PRUNE2: variants seen among roughly 807,000 people sequenced by gnomAD.
The protein encoded by PRUNE2 is prune homolog 2 with BCH domain.
In PRUNE2, 164 loss-of-function variants were observed where a neutral mutation model predicts 252.0. That is an observed-to-expected ratio of 0.65 (90% CI 0.57 to 0.74). The LOEUF (loss-of-function observed/expected upper bound fraction) is 0.74, where lower values mean the gene tolerates loss of function less well. Among genes scored for constraint, PRUNE2 ranks in the 30% least tolerant of loss-of-function variants. The probability of loss-of-function intolerance (pLI) is 0.00; values close to 1 mark genes in which losing one functional copy is unlikely to be tolerated. For synonymous variants in PRUNE2, 1,292 were observed against 1,350.2 expected (o/e 0.96, Z 0.94); for missense variants, 3,495 against 3,711.0 (o/e 0.94, Z 1.51).
At chr9:76,824,893 G>A (rs544468492) in intron 5 of PRUNE2, among the ~76,000 whole-genome samples, 2 of 152,218 alleles carry the variant, frequency 1.3e-5, no homozygotes, top group Non-Finnish European at 2.9e-5. Flanking sequence ...AAGACATTGT[G>A]ACATTAAAAG....
chr9:76,657,431 A>G (rs10869790), intron 9 of PRUNE2, among the ~76,000 whole-genome samples: 27,900 of 152,228 alleles, frequency 0.18, 2,666 homozygotes, highest in East Asian at 0.26. Context: ...TGGTTTTAAA[A>G]TAGATAGGAT....
intron 6 of PRUNE2, among the ~76,000 whole-genome samples, chr9:76,735,586 CTT>C (rs1344112753): frequency 1.3e-5 from 2 of 152,004 alleles, no homozygotes; most frequent in Non-Finnish European, 2.9e-5. Context: ...CCATGGAAGA[CTT>C]TAGGATCACT....
At chr9:76,769,416 C>T (rs2052827777) in intron 6 of PRUNE2, among the ~76,000 whole-genome samples, 1 of 152,166 alleles carries the variant, frequency 6.6e-6, no homozygotes, top group Admixed American at 6.5e-5. Flanking sequence ...AGGTTGCTTT[C>T]CATTTCTTCC....
chr9:76,626,042 T>C (rs1834585027), intron 16 of PRUNE2, among the ~76,000 whole-genome samples: 1 of 152,200 alleles, frequency 6.6e-6, no homozygotes, highest in African/African-American at 2.4e-5. Context: ...CAACAATGTA[T>C]ACTAAGTAAG....
chr9:76,889,356 C>T (rs765543347), intron 1 of PRUNE2, among the ~76,000 whole-genome samples: 1 of 150,438 alleles, frequency 6.6e-6, no homozygotes, highest in Non-Finnish European at 1.5e-5. Context: ...TTTTTTGAGA[C>T]AGAGTTTAGG....
In PRUNE2 at chr9:76,638,218, C is replaced by T. The variant is rs752160808; in HGVS notation, c.8799G>A (p.Ala2933=). 25 of 1,613,344 alleles carry T rather than the reference C, an allele frequency of 1.5e-5. No homozygotes were observed. The highest frequency in any genetic ancestry group is 8.0e-5 in the African/African-American group (6 of 74,888). Reference sequence around the variant, plus strand: ...GATTTTCCATGACATAGTGGTAATCCGCCCGACTGCTGTCTGGCAGAAAAC... The same window carrying T: ...GATTTTCCATGACATAGTGGTAATCTGCCCGACTGCTGTCTGGCAGAAAAC... ...AACFLPDSSR[A]DYHYVMENLF... is the part of the protein sequence containing the mutation. Residue 2933 remains alanine, a synonymous_variant, in exon 13 of 19, where the codon GCG becomes GCA. Transcript: ENST00000376718.
At chr9:76,796,438 G>A (rs930822458) in intron 6 of PRUNE2, among the ~76,000 whole-genome samples, 1 of 152,158 alleles carries the variant, frequency 6.6e-6, no homozygotes, top group Non-Finnish European at 1.5e-5. Flanking sequence ...AGAAATCTGA[G>A]AGGATTCTGT....
At chr9:76,668,898 G>A (rs2040752856) in intron 9 of PRUNE2, among the ~76,000 whole-genome samples, 1 of 150,224 alleles carries the variant, frequency 6.7e-6, no homozygotes, top group Admixed American at 6.7e-5. Flanking sequence ...TTGGAAGTCT[G>A]AGATCAAGAT....
At position 76,708,944 on chromosome 9, in the gene PRUNE2, G is replaced by C; in HGVS notation, c.3330C>G (p.Asp1110Glu). 2 of 1,614,030 alleles carry C rather than the reference G, an allele frequency of 1.2e-6. No individual in the cohort carries two copies. The highest frequency in any genetic ancestry group is 8.5e-7 in the Non-Finnish European group (1 of 1,179,904). ...SSTNSRQTAP[D>E]SLDLWNRVIL... is the part of the protein sequence containing the mutation. Reference sequence around the variant, plus strand: ...TCACTCTGTTCCACAAGTCGAGACTGTCAGGGGCCGTCTGCCGGGAGTTGG... The same window carrying C: ...TCACTCTGTTCCACAAGTCGAGACTCTCAGGGGCCGTCTGCCGGGAGTTGG... The change falls in exon 8 of 19, where the codon GAC becomes GAG. Residue 1110 changes from aspartate (D) to glutamate (E), a missense_variant. Transcript: ENST00000376718.
intron 6 of PRUNE2, among the ~76,000 whole-genome samples, chr9:76,761,736 T>C (rs1036609780): frequency 3.9e-5 from 6 of 152,230 alleles, no homozygotes; most frequent in African/African-American, 1.4e-4. Flanking sequence ...AAATACTTCA[T>C]TCAACAATGA....
At chr9:76,699,659 C>G (rs1389342350) in intron 9 of PRUNE2, among the ~76,000 whole-genome samples, 7 of 152,188 alleles carry the variant, frequency 4.6e-5, no homozygotes, top group African/African-American at 1.7e-4. Flanking sequence ...TTCAGACTTG[C>G]CAGCCCCCAT....
chr9:76,656,056 C>T (rs1430757077), intron 9 of PRUNE2, among the ~76,000 whole-genome samples: 1 of 152,100 alleles, frequency 6.6e-6, no homozygotes, highest in Non-Finnish European at 1.5e-5. Context: ...ATTTTTCTTC[C>T]TTTTTTGAAT....
intron 6 of PRUNE2, among the ~76,000 whole-genome samples, chr9:76,752,085 G>GT (rs1228094533): frequency 8.2e-4 from 60 of 73,318 alleles, no homozygotes; most frequent in Non-Finnish European, 1.0e-3. Flanking sequence ...CTCAATTCCT[G>GT]TTTTTTTTTT....
chr9:76,698,615 G>A (rs2045610533), intron 9 of PRUNE2, among the ~76,000 whole-genome samples: 1 of 152,116 alleles, frequency 6.6e-6, no homozygotes, highest in Admixed American at 6.6e-5. Context: ...ATCCAACACT[G>A]AGAGAAAGAG....
Position 76,888,576 on chromosome 9 carries a change from C to A in PRUNE2, c.36+17352G>T, listed in dbSNP as rs935557221. 6.6e-5 allele frequency among the ~76,000 whole-genome samples: 9 copies of A among 137,328 alleles called. 1 individual carries two copies. Among genetic ancestry groups the A allele is most frequent in the Admixed American group, 6.2e-4 (8 of 12,830 alleles). 90.1% of individuals were successfully genotyped at this position (137,328 alleles called of 152,430 possible). ...TGGGTGACAGAGTGAGACTCCATCT[C>A]AATAATAATAATAATAACTATTATT... On this transcript the variant is annotated intron_variant, in intron 1 of 18. Transcript: ENST00000376718.
intron 11 of PRUNE2, among the ~76,000 whole-genome samples, chr9:76,651,274 C>G (rs998516033): frequency 6.6e-6 from 1 of 152,030 alleles, no homozygotes; most frequent in African/African-American, 2.4e-5. Flanking sequence ...TTAGCCATTT[C>G]CTTTTTGAGG....
intron 9 of PRUNE2, among the ~76,000 whole-genome samples, chr9:76,700,889 C>T (rs188480860): frequency 8.5e-5 from 13 of 152,340 alleles, no homozygotes; most frequent in Admixed American, 7.2e-4. Context: ...GAGTGCTTAA[C>T]ACCTGGTCCA....
chr9:76,871,471 T>C (rs1297528414), intron 1 of PRUNE2, among the ~76,000 whole-genome samples: 2 of 152,214 alleles, frequency 1.3e-5, no homozygotes, highest in Non-Finnish European at 2.9e-5. Context: ...AACCAAGAGA[T>C]AACTGAACTA....
intron 5 of PRUNE2, 85 bp downstream of exon 5, chr9:76,826,495 A>C: frequency 8.1e-6 from 8 of 992,198 alleles, no homozygotes; most frequent in African/African-American, 1.7e-5. Context: ...AGAAACAAAT[A>C]TACCTTCTCA....
Sources: gnomAD v4.1 joint callset for allele counts (sites outside exome capture counted in the v4.1 genomes callset) on GRCh38, gnomAD v4.1.1 for gene constraint, MANE v1.5 for transcripts, NCBI Gene and HGNC (gene_info 2026-07-23, HGNC 2026-07-21) for gene names.